Variants in SYNDIG1 observed in about 807,000 individuals in gnomAD.
SYNDIG1 encodes synapse differentiation inducing 1, also known as synapse differentiation-inducing gene protein 1.
Under a neutral mutation model 19.4 loss-of-function variants are expected in SYNDIG1, and 9 were observed. The ratio of observed to expected loss-of-function variants is 0.46; its 90% CI spans 0.28 to 0.81. The LOEUF is 0.81. Among genes scored for constraint, SYNDIG1 ranks in the 30% least tolerant of loss-of-function variants. The probability of loss-of-function intolerance (pLI) is 0.12; values close to 1 mark genes in which losing one functional copy is unlikely to be tolerated. For synonymous variants in SYNDIG1, 141 were observed against 145.9 expected (o/e 0.97, Z 0.24); for missense variants, 311 against 343.3 (o/e 0.91, Z 0.74).
At chr20:24,565,744 C>T (rs1215305273) in intron 2 of SYNDIG1, among the ~76,000 whole-genome samples, 1 of 152,154 alleles carries the variant, frequency 6.6e-6, no homozygotes, top group Non-Finnish European at 1.5e-5. Flanking sequence ...AGCCCCAACT[C>T]CCACCTTCTC....
chr20:24,537,090 C>G (rs1207810633), intron 1 of SYNDIG1, among the ~76,000 whole-genome samples: 1 of 152,134 alleles, frequency 6.6e-6, no homozygotes, highest in Admixed American at 6.5e-5. Flanking sequence ...CTTCCACATG[C>G]CTATTGCTTA....
intron 2 of SYNDIG1, among the ~76,000 whole-genome samples, chr20:24,552,817 A>G (rs553684945): frequency 3.8e-4 from 58 of 152,326 alleles, no homozygotes; most frequent in African/African-American, 1.2e-3. Flanking sequence ...TCCTTTGGGT[A>G]TATACCCGGT....
intron 3 of SYNDIG1, among the ~76,000 whole-genome samples, chr20:24,616,500 C>T (rs571599030): frequency 2.6e-5 from 4 of 152,364 alleles, no homozygotes; most frequent in Admixed American, 2.6e-4. Flanking sequence ...CCTGCCTCCC[C>T]TCTGGCAGTG....
chr20:24,591,787 G>A (rs1001424272), intron 3 of SYNDIG1, among the ~76,000 whole-genome samples: 2 of 152,284 alleles, frequency 1.3e-5, no homozygotes, highest in Admixed American at 6.5e-5. Context: ...CAAGGGTAGA[G>A]CCAGGATTCG....
At chr20:24,511,732 T>C (rs980751032) in intron 1 of SYNDIG1, among the ~76,000 whole-genome samples, 1 of 152,090 alleles carries the variant, frequency 6.6e-6, no homozygotes, top group Non-Finnish European at 1.5e-5. Flanking sequence ...AGCTGTGGCT[T>C]AAAAAAATTG....
intron 1 of SYNDIG1, among the ~76,000 whole-genome samples, chr20:24,472,570 A>T (rs971988804): frequency 6.6e-6 from 1 of 152,244 alleles, no homozygotes; most frequent in Non-Finnish European, 1.5e-5. Context: ...TCTGAGGTTC[A>T]TGGAGAGTAC....
chr20:24,611,312 G>A lies in SYNDIG1; in HGVS notation c.618+26319G>A, dbSNP rs560617597. On this transcript the variant is annotated intron_variant, in intron 3 of 3. Coordinates refer to ENST00000376862, the MANE Select transcript of SYNDIG1 (RefSeq NM_024893.3). Reference sequence around the variant, plus strand: ...GACTATTCTTCCAGCTCACGACCTTGTTTTCATACCTCCCTTTTCTCTTGT... The same window carrying A: ...GACTATTCTTCCAGCTCACGACCTTATTTTCATACCTCCCTTTTCTCTTGT... 2.0e-5 allele frequency among the ~76,000 whole-genome samples: 3 copies of A among 152,216 alleles called. No individual in the cohort carries two copies. The South Asian group carries it at 6.2e-4, about 32-fold the overall frequency.
intron 2 of SYNDIG1, among the ~76,000 whole-genome samples, chr20:24,544,944 A>G (rs534795174): frequency 1.3e-5 from 2 of 152,272 alleles, no homozygotes; most frequent in Admixed American, 1.3e-4. Context: ...TCCCTTGGCA[A>G]GGTGCACTCT....
intron 2 of SYNDIG1, among the ~76,000 whole-genome samples, chr20:24,545,479 C>T (rs748185471): frequency 2.0e-5 from 3 of 152,036 alleles, no homozygotes; most frequent in Non-Finnish European, 2.9e-5. Flanking sequence ...GGCAGATGCA[C>T]GAAAATGCAG....
intron 2 of SYNDIG1, among the ~76,000 whole-genome samples, chr20:24,555,211 C>G (rs1461585869): frequency 6.6e-6 from 1 of 152,022 alleles, no homozygotes; most frequent in Admixed American, 6.6e-5. Context: ...CCTTATTAGT[C>G]TTGCTAGCAG....
At chr20:24,640,918 C>CT (rs2059370032) in intron 3 of SYNDIG1, among the ~76,000 whole-genome samples, 1 of 152,244 alleles carries the variant, frequency 6.6e-6, no homozygotes, top group African/African-American at 2.4e-5. Flanking sequence ...TGCATGCACA[C>CT]AACTGTTCAC....
intron 2 of SYNDIG1, among the ~76,000 whole-genome samples, chr20:24,548,283 G>C (rs984094834): frequency 1.3e-5 from 2 of 152,190 alleles, no homozygotes. Context: ...GGAAAAATGT[G>C]TTCCAGTAAA....
intron 1 of SYNDIG1, among the ~76,000 whole-genome samples, chr20:24,529,484 C>T (rs1001673067): frequency 1.3e-5 from 2 of 152,086 alleles, no homozygotes; most frequent in Non-Finnish European, 2.9e-5. Context: ...CAACTCTTCC[C>T]TTGTCATGAA....
At chr20:24,556,778 T>A (rs138857813) in intron 2 of SYNDIG1, among the ~76,000 whole-genome samples, 58 of 152,346 alleles carry the variant, frequency 3.8e-4, no homozygotes, top group African/African-American at 1.3e-3. Context: ...CTGACAATTA[T>A]GTGTCTTGGA....
intron 1 of SYNDIG1, among the ~76,000 whole-genome samples, chr20:24,511,062 A>G (rs921914472): frequency 6.6e-6 from 1 of 151,998 alleles, no homozygotes; most frequent in Non-Finnish European, 1.5e-5. Context: ...CCCTGTGTGG[A>G]TTTGGTTTCT....
At chr20:24,536,824 C>A (rs1195431510) in intron 1 of SYNDIG1, among the ~76,000 whole-genome samples, 1 of 152,176 alleles carries the variant, frequency 6.6e-6, no homozygotes, top group Non-Finnish European at 1.5e-5. Flanking sequence ...CTTCATGACC[C>A]ATTTTTCAAA....
intron 3 of SYNDIG1, among the ~76,000 whole-genome samples, chr20:24,633,961 C>T (rs2059286745): frequency 6.6e-6 from 1 of 152,184 alleles, no homozygotes; most frequent in African/African-American, 2.4e-5. Context: ...CCTGGGGTTC[C>T]CTTCGTTATC....
chr20:24,507,471 C>T (rs78658735), intron 1 of SYNDIG1, among the ~76,000 whole-genome samples: 1,824 of 152,360 alleles, frequency 0.012, 38 homozygotes, highest in African/African-American at 0.042. Flanking sequence ...ATGAGCTCAG[C>T]ACAAGGCCCC....
At chr20:24,471,973 T>G (rs1434406941) in intron 1 of SYNDIG1, among the ~76,000 whole-genome samples, 1 of 152,166 alleles carries the variant, frequency 6.6e-6, no homozygotes, top group African/African-American at 2.4e-5. Flanking sequence ...AAATACAAAA[T>G]CACTTTGATG....
Sources: gnomAD v4.1 joint callset for allele counts (sites outside exome capture counted in the v4.1 genomes callset) on GRCh38, gnomAD v4.1.1 for gene constraint, MANE v1.5 for transcripts, NCBI Gene and HGNC (gene_info 2026-07-23, HGNC 2026-07-21) for gene names.